The following CORO7 variants were observed in gnomAD, a reference collection of about 807,000 sequenced individuals.
The protein encoded by CORO7 is coronin-7.
Under a neutral mutation model 126.6 loss-of-function variants are expected in CORO7, and 107 were observed. The ratio of observed to expected loss-of-function variants is 0.85; its 90% CI spans 0.72 to 0.99. The LOEUF (loss-of-function observed/expected upper bound fraction) is 0.99. Ranked by LOEUF, CORO7 falls within the 50% of genes least tolerant of loss-of-function variation. The probability of loss-of-function intolerance (pLI) is 0.00; values close to 1 mark genes in which losing one functional copy is unlikely to be tolerated. For missense variants in CORO7, 1,314 were observed against 1,255.8 expected, an observed-to-expected ratio of 1.05 and a Z score of -0.70; for synonymous variants, 603 against 536.8, an observed-to-expected ratio of 1.12 and a Z score of -1.70.
chr16:4,365,449 C>T (rs1405095908), intron 10 of CORO7, 42 bp downstream of exon 10: 8 of 1,552,628 alleles, frequency 5.2e-6, no homozygotes, highest in Non-Finnish European at 7.0e-6. Flanking sequence ...GGGCTGGACT[C>T]CAGGCTGTGG....
At chr16:4,402,149 G>C (rs988857889) in intron 6 of CORO7, among the ~76,000 whole-genome samples, 2 of 152,098 alleles carry the variant, frequency 1.3e-5, no homozygotes, top group Non-Finnish European at 2.9e-5. Flanking sequence ...ATGTTGGCCA[G>C]GCTGGTCTTG....
chr16:4,405,731 C>G (rs955611817), intron 5 of CORO7, among the ~76,000 whole-genome samples, 164 bp from the exon 6 acceptor site: 2 of 150,760 alleles, frequency 1.3e-5, no homozygotes, highest in African/African-American at 4.8e-5. Flanking sequence ...CAGGCTTCCC[C>G]TGCACCACAG....
At chr16:4,367,159 G>C (rs7196738) in intron 9 of CORO7, among the ~76,000 whole-genome samples, 12,287 of 152,158 alleles carry the variant, frequency 0.081, 858 homozygotes, top group African/African-American at 0.19. Flanking sequence ...CTGGTCACCT[G>C]TGAGTAACAC....
chr16:4,358,379 C>T lies in CORO7; in HGVS notation c.2445G>A (p.Leu815=). The T allele has an allele frequency of 1.2e-6, 2 of 1,612,532 alleles. No homozygotes were observed. The highest frequency in any genetic ancestry group is 1.7e-6 in the Non-Finnish European group (2 of 1,179,732). Residue 815 remains leucine (L), a synonymous_variant, in exon 24 of 28, where the codon CTG becomes CTA. Transcript: ENST00000251166. ...QSSLEPVAFR[L]PRVRKEFFQD... is the part of the protein sequence containing the mutation. ...TCCCCACCCTCACCCGGACTCGGGG[C>T]AGCCGGAAGGCCACAGGCTCCAGGG...
intron 3 of CORO7, 140 bp downstream of exon 3, chr16:4,412,216 C>T (rs1376041050): frequency 6.8e-6 from 6 of 880,028 alleles, no homozygotes; most frequent in Non-Finnish European, 1.1e-5. Context: ...GCCCCACTGT[C>T]TCTCAGAGAG....
rs1170982260 is a variant in CORO7, at chr16:4,413,317, C to T, written c.148G>A (p.Asp50Asn). The change falls in exon 2 of 28, where the codon GAC becomes AAC. Residue 50 changes from aspartate to asparagine, a missense_variant. Physicochemically the swap from Asp to Asn is conservative, Grantham distance 23 (BLOSUM62 1). Coordinates refer to ENST00000251166, the MANE Select transcript of CORO7 (RefSeq NM_024535.5). The stretch of plus-strand genomic sequence containing the variant: ...CATGGCCATTCCCTACCAGGACGGT[C>T]GGAGTTGAAGGCGATCAAGCTGCAG... ...SSCSLIAFNS[D>N]RPGVLGIVPL... 8.9e-6 allele frequency: 14 copies of T among 1,579,092 alleles called. No individual in the cohort carries two copies. Among genetic ancestry groups the T allele is most frequent in the African/African-American group, 1.3e-5 (1 of 74,494 alleles).
chr16:4,357,417 A>G, intron 25 of CORO7, 158 bp from the exon 26 acceptor site: 1 of 764,212 alleles, frequency 1.3e-6, no homozygotes, highest in Non-Finnish European at 2.0e-6. Context: ...GAGTGCAATG[A>G]TGTGACCTAG....
chr16:4,404,522 C>A (rs1157962887), intron 6 of CORO7, among the ~76,000 whole-genome samples: 2 of 152,190 alleles, frequency 1.3e-5, no homozygotes, highest in African/African-American at 4.8e-5. Flanking sequence ...CTGCTCAGAG[C>A]CCCTCTGGGC....
intron 9 of CORO7, 160 bp downstream of exon 9, chr16:4,387,826 A>C: frequency 1.2e-6 from 1 of 845,178 alleles, no homozygotes; most frequent in Non-Finnish European, 1.8e-6. Flanking sequence ...CTCCGGGGGT[A>C]CAGGGCCAGG....
At chr16:4,402,599 G>A (rs2055851821) in intron 6 of CORO7, among the ~76,000 whole-genome samples, 1 of 152,196 alleles carries the variant, frequency 6.6e-6, no homozygotes, top group African/African-American at 2.4e-5. Context: ...CCTGGGCAGG[G>A]CTGGGCGCTG....
intron 1 of CORO7, chr16:4,415,569 G>A (rs1184339625): frequency 1.1e-5 from 3 of 274,202 alleles, no homozygotes; most frequent in African/African-American, 2.3e-5. Flanking sequence ...GCTTAGCACA[G>A]CATAAAGTGG....
At chr16:4,400,755 G>A (rs2055768386) in intron 6 of CORO7, among the ~76,000 whole-genome samples, 1 of 151,446 alleles carries the variant, frequency 6.6e-6, no homozygotes, top group African/African-American at 2.4e-5. Flanking sequence ...AGAAGGCGGA[G>A]ATTGCAGTGA....
At chr16:4,371,882 GGACTCGAACGCA>G (rs1388704858) in intron 9 of CORO7, 1 of 152,090 alleles carries the variant, frequency 6.6e-6, no homozygotes, top group Non-Finnish European at 1.5e-5. Context: ...GGGTGGACGC[GGACTCGAACGCA>G]GTTGCTTCGG....
chr16:4,376,922 G>A (rs923911817), intron 9 of CORO7, among the ~76,000 whole-genome samples: 5 of 152,182 alleles, frequency 3.3e-5, no homozygotes, highest in African/African-American at 1.2e-4. Context: ...CACGCCCAGG[G>A]GGCAGGCAGA....
chr16:4,385,329 C>T (rs2055157900), intron 9 of CORO7, among the ~76,000 whole-genome samples: 2 of 152,044 alleles, frequency 1.3e-5, no homozygotes, highest in Admixed American at 6.5e-5. Context: ...TGCTCCCCAG[C>T]CACGGGTGGG....
intron 9 of CORO7, among the ~76,000 whole-genome samples, chr16:4,374,321 C>T (rs2054641316): frequency 1.3e-5 from 2 of 152,228 alleles, no homozygotes; most frequent in African/African-American, 4.8e-5. Context: ...GCCGGCCTCC[C>T]CCGCTTTTCC....
Position 4,362,303 on chromosome 16 carries a change from G to T in CORO7, c.1403-143C>A. On this transcript the variant is annotated intron_variant, in intron 15 of 27. Transcript: ENST00000251166. The surrounding 1 kb of genome is among the most constrained non-coding windows in gnomAD (Gnocchi z 5.3). ...AGGCCCAGGCCTTTGCTAATCCAGT[G>T]GATGCAACTCGCCCAGGAATAATGT... 8.1e-7 allele frequency: 1 copy of T among 1,235,954 alleles called. No homozygotes were observed. Among genetic ancestry groups the T allele is most frequent in the South Asian group, 1.6e-5 (1 of 61,620 alleles). The allele number at this position is 1,235,954 out of a possible 1,614,324, so 76.6% of individuals were successfully genotyped here.
intron 9 of CORO7, among the ~76,000 whole-genome samples, chr16:4,369,606 C>T (rs958560356): frequency 1.5e-4 from 23 of 152,322 alleles, no homozygotes; most frequent in Non-Finnish European, 2.8e-4. Flanking sequence ...GGATAAGCCC[C>T]GCCAGCTCTC....
At chr16:4,394,255 C>A (rs1321579031) in intron 7 of CORO7, among the ~76,000 whole-genome samples, 1 of 151,866 alleles carries the variant, frequency 6.6e-6, no homozygotes, top group African/African-American at 2.4e-5. Flanking sequence ...ACCATCCTGG[C>A]TAACATGGTG....
Sources: allele counts gnomAD v4.1 joint callset (sites outside exome capture counted in the v4.1 genomes callset), GRCh38; gene constraint gnomAD v4.1.1; non-coding constraint Gnocchi (gnomAD v3.1); transcripts MANE v1.5; gene names NCBI Gene and HGNC (gene_info 2026-07-23, HGNC 2026-07-21).